Variants in ASAH1 observed in about 807,000 individuals in gnomAD.
The protein encoded by ASAH1 is N-acylsphingosine amidohydrolase 1.
A neutral mutation model predicts 59.5 loss-of-function variants in ASAH1; 70 were observed. That is an observed-to-expected ratio of 1.18 (90% CI 0.97 to 1.43). ASAH1 has a LOEUF of 1.43. ASAH1 is among the 40% of genes most tolerant of loss of function. ASAH1 has a pLI of 0.00. For synonymous variants in ASAH1, 213 were observed against 166.5 expected (o/e 1.28, Z -2.15); for missense variants, 660 against 482.5 (o/e 1.37, Z -3.45).
upstream of ASAH1, chr8:18,084,827 G>A (rs1199508571): frequency 3.7e-6 from 6 of 1,611,556 alleles, no homozygotes; most frequent in Middle Eastern, 1.7e-4. Context: ...CCTCCTAACT[G>A]GCGAAGGACT....
At chr8:18,071,232 A>C in intron 3 of ASAH1, 68 bp downstream of exon 3, 1 of 851,674 alleles carries the variant, frequency 1.2e-6, no homozygotes, top group Non-Finnish European at 1.5e-6. Context: ...TCAATCAATA[A>C]ATAAAAATAA....
At chr8:18,074,228 G>C (rs1179199300) in intron 2 of ASAH1, among the ~76,000 whole-genome samples, 1 of 152,224 alleles carries the variant, frequency 6.6e-6, no homozygotes, top group Non-Finnish European at 1.5e-5. Context: ...CTGAAGGCCA[G>C]AATGATGCCA....
In ASAH1 at chr8:18,061,720, C is replaced by G. The variant is rs755779935; in HGVS notation, c.669G>C (p.Leu223=). 8.2e-5 allele frequency: 130 copies of G among 1,580,696 alleles called. No homozygotes were observed. Among genetic ancestry groups the G allele is most frequent in the Non-Finnish European group, 1.1e-4 (128 of 1,161,506 alleles). The stretch of plus-strand genomic sequence containing the variant: ...CACCATTTATACTGAAACGTTCATT[C>G]AGTGTAAGACTGAACAGTCCCTGAG... ...GFKPGLFSLT[L]NERFSINGGY... is the part of the protein sequence containing the mutation. Residue 223 remains leucine, a synonymous_variant, in exon 9 of 14, where the codon CTG becomes CTC. Coordinates refer to ENST00000637790, the MANE Select transcript of ASAH1 (RefSeq NM_177924.5).
chr8:18,082,642 C>T (rs1800700537), intron 1 of ASAH1: 1 of 152,208 alleles, frequency 6.6e-6, no homozygotes, highest in African/African-American at 2.4e-5. Context: ...CAGCAAAGCC[C>T]GGTTCCTCAG....
At chr8:18,082,189 A>T (rs1260839573) in intron 1 of ASAH1, among the ~76,000 whole-genome samples, 2 of 152,202 alleles carry the variant, frequency 1.3e-5, no homozygotes, top group Non-Finnish European at 2.9e-5. Context: ...GACTTTGATA[A>T]TCGCTGTTCT....
At chr8:18,058,942 C>A in intron 12 of ASAH1, 51 bp from the exon 13 acceptor site, 2 of 1,508,012 alleles carry the variant, frequency 1.3e-6, no homozygotes, top group Non-Finnish European at 1.8e-6. Context: ...CAGAAGCCAA[C>A]AGCCTTATCT....
intron 13 of ASAH1, chr8:18,058,623 C>T: frequency 3.4e-6 from 2 of 582,300 alleles, no homozygotes; most frequent in Non-Finnish European, 6.1e-6. Context: ...AAGCTATAAA[C>T]AATATTCTGA....
intron 2 of ASAH1, 82 bp downstream of exon 2, chr8:18,075,459 C>T (rs767663269): frequency 1.4e-5 from 19 of 1,360,136 alleles, no homozygotes; most frequent in African/African-American, 7.2e-5. Flanking sequence ...TATTCACTAT[C>T]GTTCGTTTAT....
intron 4 of ASAH1, chr8:18,067,997 C>G (rs562756320): frequency 6.6e-6 from 1 of 152,246 alleles, no homozygotes; most frequent in East Asian, 1.9e-4. Context: ...GTCACCTAAA[C>G]ATATTTTTTT....
At chr8:18,062,494 C>T in intron 7 of ASAH1, 71 bp from the exon 8 acceptor site, 1 of 1,532,426 alleles carries the variant, frequency 6.5e-7, no homozygotes, top group Non-Finnish European at 9.0e-7. Context: ...TGATGAGGGC[C>T]AGGCATTACA....
chr8:18,067,372 T>C (rs1356412027), intron 4 of ASAH1, 74 bp from the exon 5 acceptor site: 3 of 933,834 alleles, frequency 3.2e-6, no homozygotes, highest in Admixed American at 4.0e-5. Context: ...TATAAACAAA[T>C]ATAATAAAAG....
Position 18,061,443 on chromosome 8 carries a change from A to C in ASAH1, c.719T>G (p.Ile240Ser), listed in dbSNP as rs764695416. The change falls in exon 10 of 14, where the codon ATT becomes AGT. Residue 240 changes from isoleucine (I) to serine (S), a missense_variant. By Grantham distance (142) the Ile-to-Ser change is moderately radical. Coordinates refer to ENST00000637790, the MANE Select transcript of ASAH1 (RefSeq NM_177924.5). ...CCACATGACATCTTTCTTTCCCAGA[A>C]TCCATTCTAGAATACCTGGAAGAGA... ...NGGYLGILEW[I>S]LGKKDVMWIG... The C allele has an allele frequency of 3.1e-6, 5 of 1,612,618 alleles. No individual in the cohort carries two copies. Among genetic ancestry groups the C allele is most frequent in the Non-Finnish European group, 4.2e-6 (5 of 1,178,546 alleles).
rs944768812 is a variant in ASAH1, at chr8:18,075,065, G to C, written c.125+476C>G. Among the ~76,000 whole-genome samples, 21 of 146,780 alleles carry C rather than the reference G, an allele frequency of 1.4e-4. 1 individual carries two copies. Among genetic ancestry groups the C allele is most frequent in the Admixed American group, 7.0e-5 (1 of 14,284 alleles). On this transcript the variant is annotated intron_variant, in intron 2 of 13. Transcript: ENST00000637790. ...GACTGGAGTGCAGTGGTGCGATCTC[G>C]GCTCACTGCAAGCTCCGCCTCCCGG...
intron 2 of ASAH1, among the ~76,000 whole-genome samples, chr8:18,074,296 A>AAT (rs1554811306): frequency 1.3e-5 from 2 of 152,116 alleles, no homozygotes; most frequent in Non-Finnish European, 2.9e-5. Flanking sequence ...AGCTGGAATG[A>AAT]ACACTGGCCC....
chr8:18,059,912 T>C (rs1799622195), intron 10 of ASAH1: 1 of 499,256 alleles, frequency 2.0e-6, no homozygotes. Context: ...GTATTTGTCC[T>C]AATGCTCTCC....
chr8:18,084,610 G>T, upstream of ASAH1: 1 of 1,604,710 alleles, frequency 6.2e-7, no homozygotes, highest in Non-Finnish European at 8.5e-7. Flanking sequence ...ACAAGGAGCA[G>T]TTGAGTGGCC....
chr8:18,084,013 C>G lies in ASAH1; in HGVS notation c.46G>C (p.Val16Leu), dbSNP rs1341390824. 4 of 1,598,218 alleles carry G rather than the reference C, an allele frequency of 2.5e-6. No homozygotes were observed. Among genetic ancestry groups the G allele is most frequent in the Non-Finnish European group, 3.4e-6 (4 of 1,179,568 alleles). Residue 16 changes from valine to leucine, a missense_variant, in exon 1 of 14, where the codon GTC becomes CTC. Transcript: ENST00000637790. ...CVALVLLAAA[V>L]SCAVAQHAPP... ...GCGTGCTGCGCGACGGCACAGCTGA[C>G]GGCGGCAGCCAGGAGGACTAAGGCG...
chr8:18,061,309 A>G (rs1021935503), intron 10 of ASAH1, 68 bp downstream of exon 10: 7 of 1,349,038 alleles, frequency 5.2e-6, no homozygotes, highest in Middle Eastern at 2.5e-4. Context: ...AGCTTGACAA[A>G]TATTTTTATT....
intron 1 of ASAH1, among the ~76,000 whole-genome samples, chr8:18,080,611 G>A (rs1024829287): frequency 6.6e-6 from 1 of 152,190 alleles, no homozygotes; most frequent in African/African-American, 2.4e-5. Flanking sequence ...AGGCTGGAGT[G>A]CAATGGCAGG....
Sources: allele counts gnomAD v4.1 joint callset (sites outside exome capture counted in the v4.1 genomes callset), GRCh38; gene constraint gnomAD v4.1.1; transcripts MANE v1.5; gene names NCBI Gene and HGNC (gene_info 2026-07-23, HGNC 2026-07-21).